Variants in SORCS3 observed in about 807,000 individuals in gnomAD.
SORCS3 encodes sortilin related VPS10 domain containing receptor 3.
A neutral mutation model predicts 146.3 loss-of-function variants in SORCS3; 57 were observed. The observed-to-expected ratio is 0.39, with a 90% CI of 0.31 to 0.49. The LOEUF (loss-of-function observed/expected upper bound fraction) is 0.49, where lower values mean the gene tolerates loss of function less well. Among genes scored for constraint, SORCS3 ranks in the 20% least tolerant of loss-of-function variants. SORCS3 has a pLI of 0.92. For missense variants in SORCS3, 1,341 were observed against 1,575.5 expected (o/e 0.85, Z 2.52); for synonymous variants, 653 against 618.5 (o/e 1.06, Z -0.83).
chr10:105,149,114 T>A (rs781070502), intron 9 of SORCS3, among the ~76,000 whole-genome samples: 5 of 152,120 alleles, frequency 3.3e-5, no homozygotes, highest in Non-Finnish European at 5.9e-5. Flanking sequence ...TTCCCAGCCA[T>A]GCGGAACTGT....
chr10:105,106,726 G>A (rs1052156890), intron 7 of SORCS3, among the ~76,000 whole-genome samples: 5 of 152,122 alleles, frequency 3.3e-5, no homozygotes, highest in African/African-American at 4.8e-5. Context: ...AACCATCTTC[G>A]ATGAGGGAGT....
chr10:104,976,360 G>T (rs2054897443), intron 3 of SORCS3, among the ~76,000 whole-genome samples: 1 of 152,150 alleles, frequency 6.6e-6, no homozygotes, highest in Admixed American at 6.5e-5. Flanking sequence ...ACCACAATGA[G>T]ATACCATCTC....
At chr10:104,913,752 A>G (rs904399504) in intron 2 of SORCS3, among the ~76,000 whole-genome samples, 5 of 150,254 alleles carry the variant, frequency 3.3e-5, no homozygotes, top group African/African-American at 4.9e-5. Context: ...TCATGAGACT[A>G]AATTATCCCC....
At chr10:104,798,517 A>G (rs2017584908) in intron 1 of SORCS3, among the ~76,000 whole-genome samples, 1 of 152,224 alleles carries the variant, frequency 6.6e-6, no homozygotes, top group Admixed American at 6.5e-5. Context: ...CCAAAAGAAT[A>G]ACAGCACTAA....
chr10:104,832,095 A>G (rs1489290720), intron 1 of SORCS3, among the ~76,000 whole-genome samples: 1 of 152,202 alleles, frequency 6.6e-6, no homozygotes, highest in Admixed American at 6.5e-5. Context: ...AAGGATTTCT[A>G]CCTCATAGTG....
chr10:104,799,908 C>T (rs946439595), intron 1 of SORCS3, among the ~76,000 whole-genome samples: 9 of 152,028 alleles, frequency 5.9e-5, no homozygotes, highest in Admixed American at 4.6e-4. Flanking sequence ...GATCTCCTGA[C>T]CTCGGGATCT....
chr10:104,671,325 C>CTTTT (rs771029154), intron 1 of SORCS3, among the ~76,000 whole-genome samples: 1,704 of 19,190 alleles, frequency 0.089, 699 homozygotes, highest in Middle Eastern at 0.14. Flanking sequence ...CATTCTTTTC[C>CTTTT]TTTTTTTTTT....
intron 1 of SORCS3, among the ~76,000 whole-genome samples, chr10:104,644,128 G>A (rs1190589487): frequency 6.6e-6 from 1 of 152,216 alleles, no homozygotes. Flanking sequence ...GGGGACTGGA[G>A]CAGTTGGGCT....
chr10:105,210,641 T>C (rs186108080), intron 16 of SORCS3, among the ~76,000 whole-genome samples: 1 of 152,282 alleles, frequency 6.6e-6, no homozygotes, highest in East Asian at 1.9e-4. Context: ...AGCTACAGTG[T>C]AGTTTTATTT....
At chr10:105,089,623 G>A (rs1589626986) in intron 5 of SORCS3, 152 bp from the exon 6 acceptor site, 1 of 661,952 alleles carries the variant, frequency 1.5e-6, no homozygotes, top group East Asian at 2.7e-5. Context: ...TGTGGGGACT[G>A]CCAGTGGCCA....
chr10:105,083,036 G>A (rs2055635976), intron 5 of SORCS3, among the ~76,000 whole-genome samples: 1 of 152,048 alleles, frequency 6.6e-6, no homozygotes, highest in South Asian at 2.1e-4. Flanking sequence ...ACCACGCCCG[G>A]CCTATGAACT....
chr10:104,648,625 T>C (rs1403817906), intron 1 of SORCS3, among the ~76,000 whole-genome samples: 4 of 152,196 alleles, frequency 2.6e-5, no homozygotes, highest in African/African-American at 4.8e-5. Context: ...CTAACCATTG[T>C]TAATGGGGGC....
At chr10:104,725,198 A>G (rs1010165760) in intron 1 of SORCS3, among the ~76,000 whole-genome samples, 33 of 152,332 alleles carry the variant, frequency 2.2e-4, no homozygotes, top group Middle Eastern at 3.4e-3. Context: ...TCTAACAGTC[A>G]GGACCCTCAG....
At chr10:104,899,674 C>T (rs1017665478) in intron 2 of SORCS3, among the ~76,000 whole-genome samples, 1 of 152,152 alleles carries the variant, frequency 6.6e-6, no homozygotes, top group Non-Finnish European at 1.5e-5. Flanking sequence ...AATTACTCTC[C>T]CAGACAGGGG....
chr10:105,186,137 A>C (rs2056474846), intron 14 of SORCS3, among the ~76,000 whole-genome samples: 1 of 152,224 alleles, frequency 6.6e-6, no homozygotes, highest in Non-Finnish European at 1.5e-5. Flanking sequence ...TCTGAGTTGC[A>C]AGCCAGAAGT....
intron 3 of SORCS3, among the ~76,000 whole-genome samples, chr10:104,955,837 A>AGACAG (rs1020584910): frequency 2.6e-5 from 4 of 152,302 alleles, no homozygotes; most frequent in African/African-American, 7.2e-5. Context: ...CCTCCCTGAA[A>AGACAG]GACAATAAAT....
chr10:105,216,926 C>T lies in SORCS3; in HGVS notation c.2548-10C>T, dbSNP rs1589692894. The T allele has an allele frequency of 1.2e-6, 2 of 1,613,974 alleles. No individual in the cohort carries two copies. The highest frequency in any genetic ancestry group is 1.7e-6 in the Non-Finnish European group (2 of 1,179,920). On this transcript the variant is annotated splice_polypyrimidine_tract_variant and intron_variant, in intron 18 of 26. Transcript: ENST00000369701. ...AAGTAAATTGACCCGTCTGCTATGC[C>T]ATCTTGCAGGGTGATCTACAAAGGA...
Position 104,875,240 on chromosome 10 carries a change from C to A in SORCS3, c.695+32381C>A, listed in dbSNP as rs949073698. ...TTGACCAATCAAGAAAACAATTATACCCTGACTTCTGAAGTGGGATATGCA... is the reference window on the plus strand; with the variant it reads ...TTGACCAATCAAGAAAACAATTATAACCTGACTTCTGAAGTGGGATATGCA... On this transcript the variant is annotated intron_variant, in intron 2 of 26. Transcript: ENST00000369701. Among the ~76,000 whole-genome samples the A allele has an allele frequency of 2.0e-5, 3 of 152,270 alleles. No homozygotes were observed. In the East Asian group the frequency reaches 5.8e-4, roughly 29 times the overall value.
In SORCS3 at chr10:105,247,243, C is replaced by T. The variant is rs556289294; in HGVS notation, c.3017C>T (p.Ser1006Leu). 6.2e-7 allele frequency: 1 copy of T among 1,606,506 alleles called. No individual in the cohort carries two copies. The highest frequency in any genetic ancestry group is 1.1e-5 in the South Asian group (1 of 90,322). ...GAATATTTCCAGTCCCAGCTTTTAT[C>T]ATTCTCTCCTAATCTGGATTACCAC... ...VHEYFQSQLL[S>L]FSPNLDYHNP... Residue 1006 changes from serine to leucine, a missense_variant, in exon 22 of 27, where the codon TCA (serine) becomes TTA (leucine). Physicochemically the swap from Ser to Leu is moderately radical, Grantham distance 145. Coordinates refer to ENST00000369701, the MANE Select transcript of SORCS3 (RefSeq NM_014978.3).
Sources: allele counts gnomAD v4.1 joint callset (sites outside exome capture counted in the v4.1 genomes callset), GRCh38; gene constraint gnomAD v4.1.1; transcripts MANE v1.5; gene names NCBI Gene and HGNC (gene_info 2026-07-23, HGNC 2026-07-21).